FAM227B: variants seen among roughly 807,000 people sequenced by gnomAD.
FAM227B encodes the protein family with sequence similarity 227 member B, also known as protein FAM227B.
FAM227B carries 88 observed loss-of-function variants against 73.8 expected under a neutral mutation model. The observed-to-expected ratio is 1.19, with a 90% CI of 1.00 to 1.42. The LOEUF is 1.42. Among genes scored for constraint, FAM227B ranks in the 40% most tolerant of loss-of-function variants. The pLI is 0.00. For synonymous variants in FAM227B, 210 were observed against 190.5 expected, an observed-to-expected ratio of 1.10 and a Z score of -0.84; for missense variants, 632 against 590.9, an observed-to-expected ratio of 1.07 and a Z score of -0.72.
intron 9 of FAM227B, among the ~76,000 whole-genome samples, chr15:49,566,220 A>G (rs999666608): frequency 1.3e-5 from 2 of 152,212 alleles, no homozygotes; most frequent in South Asian, 4.1e-4. Flanking sequence ...AAAGGGAAAA[A>G]CTCTATAATA....
chr15:49,355,531 G>C (rs997936392), intron 13 of FAM227B, among the ~76,000 whole-genome samples: 1 of 152,098 alleles, frequency 6.6e-6, no homozygotes, highest in African/African-American at 2.4e-5. Context: ...AAGAAGGGAA[G>C]TTTAGAGAAA....
At chr15:49,437,715 G>C (rs2051236554) in intron 11 of FAM227B, among the ~76,000 whole-genome samples, 1 of 151,602 alleles carries the variant, frequency 6.6e-6, no homozygotes, top group African/African-American at 2.4e-5. Context: ...AATATTTACT[G>C]AGCATATATT....
At chr15:49,373,686 C>T (rs2045983851) in intron 11 of FAM227B, among the ~76,000 whole-genome samples, 1 of 152,084 alleles carries the variant, frequency 6.6e-6, no homozygotes, top group Non-Finnish European at 1.5e-5. Context: ...ATGTTATCCC[C>T]TCTAAAAGGG....
At chr15:49,539,285 C>T (rs1259101941) in intron 10 of FAM227B, among the ~76,000 whole-genome samples, 1 of 152,208 alleles carries the variant, frequency 6.6e-6, no homozygotes, top group Non-Finnish European at 1.5e-5. Flanking sequence ...TTAGCGTCTT[C>T]AGCTACAAAG....
intron 1 of FAM227B, among the ~76,000 whole-genome samples, 200 bp from the exon 2 acceptor site, chr15:49,615,443 T>C (rs1318990221): frequency 6.6e-6 from 1 of 151,864 alleles, no homozygotes; most frequent in Non-Finnish European, 1.5e-5. Flanking sequence ...ATCATGGGGG[T>C]GGTTTCTAAT....
intron 13 of FAM227B, among the ~76,000 whole-genome samples, chr15:49,336,585 C>T (rs2039750627): frequency 6.6e-6 from 1 of 152,184 alleles, no homozygotes; most frequent in African/African-American, 2.4e-5. Flanking sequence ...TTTTAGAAAA[C>T]TTTATTTTCC....
intron 11 of FAM227B, among the ~76,000 whole-genome samples, chr15:49,473,361 T>C (rs1451136000): frequency 1.3e-5 from 2 of 152,148 alleles, no homozygotes; most frequent in Non-Finnish European, 1.5e-5. Flanking sequence ...TAAAGAACAT[T>C]GAGTTAAATA....
At chr15:49,372,646 A>T (rs1304409180) in intron 11 of FAM227B, among the ~76,000 whole-genome samples, 1 of 152,202 alleles carries the variant, frequency 6.6e-6, no homozygotes, top group Non-Finnish European at 1.5e-5. Context: ...AAAGAGAGCC[A>T]TGTGATTTAA....
chr15:49,519,126 C>T (rs1004778787), intron 10 of FAM227B, among the ~76,000 whole-genome samples: 4 of 152,212 alleles, frequency 2.6e-5, no homozygotes, highest in East Asian at 1.9e-4. Context: ...TGATCTCCTA[C>T]GACTCCATGT....
intron 11 of FAM227B, among the ~76,000 whole-genome samples, chr15:49,432,149 A>G (rs1333997933): frequency 6.6e-6 from 1 of 151,736 alleles, no homozygotes; most frequent in African/African-American, 2.4e-5. Flanking sequence ...ATTCTATTGT[A>G]ATATTTCCCA....
chr15:49,389,831 AG>A (rs2047097376), intron 11 of FAM227B, among the ~76,000 whole-genome samples: 1 of 152,048 alleles, frequency 6.6e-6, no homozygotes, highest in Non-Finnish European at 1.5e-5. Flanking sequence ...GCTATGTATC[AG>A]AACTGATTTT....
At chr15:49,388,234 C>A (rs1443207937) in intron 11 of FAM227B, among the ~76,000 whole-genome samples, 1 of 151,834 alleles carries the variant, frequency 6.6e-6, no homozygotes. Context: ...TCAAATTATA[C>A]TATAAGCCTG....
intron 11 of FAM227B, among the ~76,000 whole-genome samples, chr15:49,414,658 A>G (rs1227457751): frequency 6.6e-6 from 1 of 152,144 alleles, no homozygotes; most frequent in African/African-American, 2.4e-5. Flanking sequence ...GAGAAGATAC[A>G]AAGAGGTGGA....
intron 9 of FAM227B, among the ~76,000 whole-genome samples, chr15:49,558,853 C>A (rs535607860): frequency 2.6e-5 from 4 of 152,214 alleles, no homozygotes; most frequent in African/African-American, 9.6e-5. Flanking sequence ...TTCCCCAGGG[C>A]CCAAAGTCAG....
At chr15:49,445,087 G>T (rs1301890136) in intron 11 of FAM227B, among the ~76,000 whole-genome samples, 1 of 151,236 alleles carries the variant, frequency 6.6e-6, no homozygotes, top group Admixed American at 6.6e-5. Context: ...TTTCTTTCCA[G>T]ACTAAAATTT....
chr15:49,513,424 T>C (rs2059155085), intron 10 of FAM227B, among the ~76,000 whole-genome samples: 2 of 152,224 alleles, frequency 1.3e-5, no homozygotes, highest in Non-Finnish European at 2.9e-5. Context: ...TGTCTCTTCA[T>C]ATCCTCTGCC....
At chr15:49,472,933 T>C (rs1465566165) in intron 11 of FAM227B, among the ~76,000 whole-genome samples, 3 of 152,168 alleles carry the variant, frequency 2.0e-5, no homozygotes, top group African/African-American at 7.2e-5. Context: ...AATATACTCA[T>C]GTATCAGTTA....
chr15:49,441,577 G>T (rs908968386), intron 11 of FAM227B, among the ~76,000 whole-genome samples: 8 of 151,500 alleles, frequency 5.3e-5, no homozygotes, highest in African/African-American at 1.7e-4. Flanking sequence ...TCCATATATA[G>T]AGAGAAAAGG....
intron 3 of FAM227B, among the ~76,000 whole-genome samples, chr15:49,591,193 G>A (rs1258522354): frequency 1.3e-5 from 2 of 150,822 alleles, no homozygotes; most frequent in African/African-American, 4.9e-5. Context: ...TACAGGCACA[G>A]CCTCCCGAGT....
Sources: allele counts gnomAD v4.1 joint callset (sites outside exome capture counted in the v4.1 genomes callset), GRCh38; gene constraint gnomAD v4.1.1; transcripts MANE v1.5; gene names NCBI Gene and HGNC (gene_info 2026-07-23, HGNC 2026-07-21).